Variants in DOK6 observed in about 807,000 individuals in gnomAD.
DOK6 encodes the protein downstream of tyrosine kinase 6.
In DOK6, 22 loss-of-function variants were observed where a neutral mutation model predicts 44.0. The observed-to-expected ratio is 0.50, with a 90% confidence interval of 0.36 to 0.71. The LOEUF (loss-of-function observed/expected upper bound fraction) is 0.71, where lower values mean the gene tolerates loss of function less well. Among genes scored for constraint, DOK6 ranks in the 30% least tolerant of loss-of-function variants. The probability of loss-of-function intolerance (pLI) is 0.00; values close to 1 mark genes in which losing one functional copy is unlikely to be tolerated. For synonymous variants in DOK6, 166 were observed against 145.5 expected (o/e 1.14, Z -1.01); for missense variants, 340 against 416.4 (o/e 0.82, Z 1.60).
chr18:69,724,897 C>T (rs1331690831), intron 5 of DOK6: 1 of 152,234 alleles, frequency 6.6e-6, no homozygotes, highest in Non-Finnish European at 1.5e-5. Flanking sequence ...CTCCTTTTCT[C>T]CTGACCCACC....
chr18:69,616,823 C>T (rs1984295756), intron 3 of DOK6, among the ~76,000 whole-genome samples: 1 of 152,042 alleles, frequency 6.6e-6, no homozygotes, highest in Non-Finnish European at 1.5e-5. Context: ...AATTGGGTGC[C>T]AGACTTTTTG....
intron 1 of DOK6, among the ~76,000 whole-genome samples, chr18:69,465,529 T>G (rs1979900994): frequency 6.6e-6 from 1 of 152,106 alleles, no homozygotes; most frequent in African/African-American, 2.4e-5. Flanking sequence ...ATTGTTCAAT[T>G]CCCACCTATG....
At chr18:69,599,536 G>C in intron 3 of DOK6, 38 bp downstream of exon 3, 1 of 1,561,740 alleles carries the variant, frequency 6.4e-7, no homozygotes, top group African/African-American at 1.4e-5. Context: ...TGAGGAAATT[G>C]AGCTGCTTGT....
chr18:69,507,380 TA>T (rs1275553646), intron 1 of DOK6, among the ~76,000 whole-genome samples: 7 of 152,124 alleles, frequency 4.6e-5, no homozygotes, highest in African/African-American at 1.7e-4. Context: ...AGTTTCTCAA[TA>T]TTGTTCTTTT....
intron 1 of DOK6, among the ~76,000 whole-genome samples, chr18:69,499,553 A>T (rs1424636196): frequency 1.3e-5 from 2 of 152,216 alleles, no homozygotes; most frequent in Admixed American, 6.5e-5. Flanking sequence ...TTCTAAAAAC[A>T]GTAATTTGGC....
Position 69,611,673 on chromosome 18 carries a change from C to A in DOK6, c.289+12175C>A, listed in dbSNP as rs566386046. Among the ~76,000 whole-genome samples, 4 of 152,200 alleles carry A rather than the reference C, an allele frequency of 2.6e-5. No homozygotes were observed. In the East Asian group the frequency reaches 7.7e-4, roughly 29 times the overall value. On this transcript the variant is annotated intron_variant, in intron 3 of 7. Transcript: ENST00000382713. ...AGAACAGACTCAATATATGCAGCAG[C>A]CTGGATGAATCTTGAAGGAATTACA...
intron 6 of DOK6, among the ~76,000 whole-genome samples, chr18:69,746,546 G>T (rs546985080): frequency 3.9e-5 from 6 of 152,222 alleles, no homozygotes; most frequent in African/African-American, 1.4e-4. Flanking sequence ...ATGAGCCACC[G>T]CACCTGGCCA....
At chr18:69,446,156 ATTAAC>A (rs925690315) in intron 1 of DOK6, among the ~76,000 whole-genome samples, 22 of 151,536 alleles carry the variant, frequency 1.5e-4, no homozygotes, top group African/African-American at 5.3e-4. Context: ...TGCTGCACTC[ATTAAC>A]TTGTCATTTA....
rs1035754164 is a variant in DOK6 at position 69,845,630 on chromosome 18, G to A, written c.*4247G>A. On this transcript the variant is annotated 3_prime_UTR_variant, in exon 8 of 8. Transcript: ENST00000382713. ...ATGAACGCAACAATTTAGGTTAAAT[G>A]ATAAAGAATACAATGAAATGTCCAG... 1.3e-5 allele frequency: 2 copies of A among 152,162 alleles called. No individual in the cohort carries two copies. The highest frequency in any genetic ancestry group is 4.8e-5 in the African/African-American group (2 of 41,460). The allele number at this position is 152,162 out of a possible 1,614,324, so 9.4% of individuals were successfully genotyped here.
intron 2 of DOK6, among the ~76,000 whole-genome samples, chr18:69,584,826 T>C (rs564321386): frequency 6.6e-6 from 1 of 152,258 alleles, no homozygotes; most frequent in African/African-American, 2.4e-5. Context: ...TTCCTAGATA[T>C]ACAGTCTTTT....
At chr18:69,628,875 A>G (rs1213340106) in intron 3 of DOK6, among the ~76,000 whole-genome samples, 1 of 152,186 alleles carries the variant, frequency 6.6e-6, no homozygotes, top group African/African-American at 2.4e-5. Context: ...GGATGCATGT[A>G]CATTTAAGAG....
chr18:69,643,041 G>A (rs910420301), intron 3 of DOK6, among the ~76,000 whole-genome samples: 25 of 152,124 alleles, frequency 1.6e-4, no homozygotes, highest in African/African-American at 5.8e-4. Context: ...TACATACTTT[G>A]TTTCCCAATC....
At position 69,527,918 on chromosome 18, in the gene DOK6, T is replaced by C. The variant is rs577699502; in HGVS notation, c.67-36569T>C. 3.9e-5 allele frequency among the ~76,000 whole-genome samples: 6 copies of C among 152,110 alleles called. No individual in the cohort carries two copies. In the South Asian group the frequency reaches 1.2e-3, roughly 32 times the overall value. On this transcript the variant is annotated intron_variant, in intron 1 of 7. Transcript: ENST00000382713. ...TGGCTCACACCTGTAATCCCAGCAA[T>C]GCTGGGAGGCCAAGGCGGGCGGATC...
chr18:69,772,450 T>C (rs1979916158), intron 7 of DOK6, among the ~76,000 whole-genome samples: 1 of 152,050 alleles, frequency 6.6e-6, no homozygotes, highest in African/African-American at 2.4e-5. Flanking sequence ...ACTCACTGAT[T>C]TCAAAGTATA....
intron 3 of DOK6, among the ~76,000 whole-genome samples, chr18:69,659,292 T>C (rs1985448451): frequency 6.6e-6 from 1 of 152,242 alleles, no homozygotes; most frequent in South Asian, 2.1e-4. Flanking sequence ...AAGTCACTGC[T>C]GTGCACGTCT....
chr18:69,441,715 A>G (rs1160739753), intron 1 of DOK6, among the ~76,000 whole-genome samples: 5 of 152,188 alleles, frequency 3.3e-5, no homozygotes, highest in South Asian at 2.1e-4. Context: ...ATAAATATCA[A>G]TAGCCAGGGG....
At chr18:69,503,669 T>C (rs8083686) in intron 1 of DOK6, among the ~76,000 whole-genome samples, 47,787 of 151,768 alleles carry the variant, frequency 0.31, 7,802 homozygotes, top group East Asian at 0.58. Context: ...AATAAGATAT[T>C]TTGCTTTAGC....
chr18:69,557,087 C>T (rs148514559), intron 1 of DOK6, among the ~76,000 whole-genome samples: 4 of 152,272 alleles, frequency 2.6e-5, no homozygotes, highest in African/African-American at 9.6e-5. Context: ...CCCAAGATGT[C>T]ATTCACATGG....
chr18:69,466,167 C>T (rs1470036774), intron 1 of DOK6, among the ~76,000 whole-genome samples: 9 of 152,050 alleles, frequency 5.9e-5, no homozygotes, highest in Admixed American at 5.9e-4. Context: ...TTATTCTATT[C>T]CTCCGCCCCT....
Sources: allele counts gnomAD v4.1 joint callset (sites outside exome capture counted in the v4.1 genomes callset), GRCh38; gene constraint gnomAD v4.1.1; transcripts MANE v1.5; gene names NCBI Gene and HGNC (gene_info 2026-07-23, HGNC 2026-07-21).